Variants in HERC1 observed in about 807,000 individuals in gnomAD.
HERC1 encodes the protein probable E3 ubiquitin-protein ligase HERC1.
HERC1 carries 160 observed loss-of-function variants against 554.3 expected under a neutral mutation model. The ratio of observed to expected loss-of-function variants is 0.29; its 90% confidence interval spans 0.25 to 0.33. The LOEUF is 0.33. HERC1 is among the 10% of genes least tolerant of loss of function. The pLI, the probability that HERC1 is intolerant of heterozygous loss-of-function variation, is 1.00. For missense variants in HERC1, 4,919 were observed against 5,918.5 expected (o/e 0.83, Z 5.54); for synonymous variants, 2,175 against 2,131.7 (o/e 1.02, Z -0.56).
chr15:63,679,902 A>G (rs942714556), intron 36 of HERC1, among the ~76,000 whole-genome samples, 175 bp downstream of exon 36: 1 of 152,236 alleles, frequency 6.6e-6, no homozygotes, highest in East Asian at 1.9e-4. Flanking sequence ...TAGTGCCTTA[A>G]TATTAATATA....
In HERC1 at chr15:63,654,316, C is replaced by G. The variant is rs199840315; in HGVS notation, c.10093G>C (p.Glu3365Gln). The G allele has an allele frequency of 1.9e-5, 30 of 1,612,562 alleles. No homozygotes were observed. In the African/African-American group the frequency reaches 3.7e-4, roughly 20 times the overall value. ...KSEVEKKGPL[E>Q]LANALAACCL... ...CAGGCTGCCAGGGCATTAGCCAACTCCAGAGGGCCTACAGCAGAAGGATCA... is the reference window on the plus strand; with the variant it reads ...CAGGCTGCCAGGGCATTAGCCAACTGCAGAGGGCCTACAGCAGAAGGATCA... Residue 3365 changes from glutamate (E) to glutamine (Q), a missense_variant, in exon 51 of 78, where the codon GAG becomes CAG. By Grantham distance (29) the Glu-to-Gln change is conservative. Transcript: ENST00000443617.
chr15:63,697,061 G>A (rs1197657568), intron 26 of HERC1, among the ~76,000 whole-genome samples: 1 of 151,646 alleles, frequency 6.6e-6, no homozygotes, highest in Non-Finnish European at 1.5e-5. Flanking sequence ...CATAACCATG[G>A]TACATTTATG....
chr15:63,672,720 A>G (rs769667053), intron 38 of HERC1, 26 bp from the exon 39 acceptor site: 1 of 1,512,388 alleles, frequency 6.6e-7, no homozygotes, highest in East Asian at 2.3e-5. Flanking sequence ...AAGGTTAAGA[A>G]AGTAGTAAGG....
At chr15:63,814,445 G>C (rs1264980333) in intron 1 of HERC1, among the ~76,000 whole-genome samples, 2 of 151,726 alleles carry the variant, frequency 1.3e-5, no homozygotes, top group Non-Finnish European at 2.9e-5. Flanking sequence ...AGCTTTGTGG[G>C]TGGGGGAGGG....
chr15:63,823,457 A>G (rs1313649738), intron 1 of HERC1, among the ~76,000 whole-genome samples: 1 of 152,212 alleles, frequency 6.6e-6, no homozygotes, highest in Non-Finnish European at 1.5e-5. Context: ...AGACTAAGAG[A>G]TTAAGACTTG....
chr15:63,806,277 A>G (rs1319378847), intron 1 of HERC1, among the ~76,000 whole-genome samples: 1 of 151,852 alleles, frequency 6.6e-6, no homozygotes, highest in Non-Finnish European at 1.5e-5. Flanking sequence ...CCTAGGCTGA[A>G]GCAATCTTCC....
At chr15:63,714,346 A>G (rs1478064673) in intron 22 of HERC1, among the ~76,000 whole-genome samples, 1 of 152,090 alleles carries the variant, frequency 6.6e-6, no homozygotes, top group Non-Finnish European at 1.5e-5. Context: ...TCTTTGCTGA[A>G]ACAGAATTTA....
chr15:63,725,674 AC>A (rs552094512), intron 17 of HERC1, among the ~76,000 whole-genome samples, 161 bp from the exon 18 acceptor site: 49 of 152,344 alleles, frequency 3.2e-4, no homozygotes, highest in African/African-American at 1.2e-3. Context: ...TCTTTACCAG[AC>A]TGATTTAAAA....
At chr15:63,807,322 A>C (rs906541480) in intron 1 of HERC1, among the ~76,000 whole-genome samples, 2 of 152,100 alleles carry the variant, frequency 1.3e-5, no homozygotes, top group Admixed American at 1.3e-4. Flanking sequence ...CATAGGAGGA[A>C]ATGGGAGGAT....
intron 34 of HERC1, among the ~76,000 whole-genome samples, chr15:63,684,732 G>C (rs904076592): frequency 3.3e-5 from 5 of 152,152 alleles, no homozygotes; most frequent in African/African-American, 1.2e-4. Flanking sequence ...GTTGGGCCAG[G>C]CGCGGTGGCT....
intron 34 of HERC1, among the ~76,000 whole-genome samples, chr15:63,684,222 C>A (rs1342675348): frequency 6.6e-6 from 1 of 152,192 alleles, no homozygotes; most frequent in Non-Finnish European, 1.5e-5. Context: ...CAGTTTGCAA[C>A]AAGGGACTGA....
chr15:63,623,402 C>T (rs1219961495), intron 73 of HERC1, among the ~76,000 whole-genome samples: 6 of 152,178 alleles, frequency 3.9e-5, no homozygotes, highest in Admixed American at 2.0e-4. Context: ...TAAATCAGAG[C>T]ACATGGGTGC....
In HERC1 at chr15:63,814,721, G is replaced by A. The variant is rs574192977; in HGVS notation, c.-27+19106C>T. Among the ~76,000 whole-genome samples, 7 of 152,052 alleles carry A rather than the reference G, an allele frequency of 4.6e-5. No individual in the cohort carries two copies. The East Asian group carries it at 7.7e-4, about 17-fold the overall frequency. ...TGGCCTCAAGTTATCTGCCCGCCTCGGCCTCCCAAAGTGCTGGGATTACAG... is the reference window on the plus strand; with the variant it reads ...TGGCCTCAAGTTATCTGCCCGCCTCAGCCTCCCAAAGTGCTGGGATTACAG... On this transcript the variant is annotated intron_variant, in intron 1 of 77. Coordinates refer to ENST00000443617, the MANE Select transcript of HERC1 (RefSeq NM_003922.4).
chr15:63,698,613 GAAAGGGGA>G (rs2072558642), intron 26 of HERC1, 107 bp downstream of exon 26: 1 of 1,025,192 alleles, frequency 9.8e-7, no homozygotes, highest in Non-Finnish European at 1.4e-6. Flanking sequence ...TCAGGTACAG[GAAAGGGGA>G]AGGCAAGGAA....
At chr15:63,759,206 T>G (rs1445857443) in intron 3 of HERC1, among the ~76,000 whole-genome samples, 1 of 152,166 alleles carries the variant, frequency 6.6e-6, no homozygotes, top group African/African-American at 2.4e-5. Context: ...TATACCAAAC[T>G]GCATTCCAAA....
Position 63,612,421 on chromosome 15 carries a change from A to G in HERC1, c.14230T>C (p.Tyr4744His). 6.2e-7 allele frequency: 1 copy of G among 1,613,976 alleles called. No homozygotes were observed. Among genetic ancestry groups the G allele is most frequent in the Non-Finnish European group, 8.5e-7 (1 of 1,179,862 alleles). The change falls in exon 77 of 78, where the codon TAC becomes CAC. Residue 4744 changes from tyrosine to histidine, a missense_variant. Tyr to His is a moderately conservative substitution (Grantham distance 83). This residue lies in a region of HERC1 where 284 missense variants were observed against 294.1 expected (regional missense o/e 0.97). Transcript: ENST00000443617. This position sits in a 1 kb window ranked among gnomAD's most constrained non-coding sequence, Gnocchi z 5.0. ...TGATGCTGCTCATCCACCTCACGGT[A>G]CCGCACCACTTTCTTCAAGACTTCC... ...SVEVLKKVVR[Y>H]REVDEQHQLV...
intron 30 of HERC1, 52 bp downstream of exon 30, chr15:63,693,912 G>A (rs2072263008): frequency 6.6e-7 from 1 of 1,508,562 alleles, no homozygotes; most frequent in African/African-American, 1.4e-5. Context: ...TGCACACAAT[G>A]GGGTTTTAAT....
Position 63,756,874 on chromosome 15 carries a change from G to C in HERC1, c.1222-126C>G. 1.6e-6 allele frequency: 1 copy of C among 614,400 alleles called. No homozygotes were observed. Among genetic ancestry groups the C allele is most frequent in the East Asian group, 2.8e-5 (1 of 35,826 alleles). 38.1% of individuals were successfully genotyped at this position (614,400 alleles called of 1,614,324 possible). On this transcript the variant is annotated intron_variant, in intron 4 of 77. Transcript: ENST00000443617. This position sits in a 1 kb window ranked among gnomAD's most constrained non-coding sequence, Gnocchi z 5.0. ...AGGATACGGCATGATTCTCCAGAGA[G>C]ATTAAGGAATATACAGAAATCTAAG... is the stretch of plus-strand genomic sequence containing the variant.
chr15:63,788,053 G>T (rs1300766099), intron 1 of HERC1, among the ~76,000 whole-genome samples: 1 of 151,856 alleles, frequency 6.6e-6, no homozygotes, highest in Non-Finnish European at 1.5e-5. Flanking sequence ...AAGTTCAAGT[G>T]CATTTAAAGA....
Sources: allele counts gnomAD v4.1 joint callset (sites outside exome capture counted in the v4.1 genomes callset), GRCh38; gene constraint gnomAD v4.1.1; regional missense constraint gnomAD v4.1.1; non-coding constraint Gnocchi (gnomAD v3.1); transcripts MANE v1.5; gene names NCBI Gene and HGNC (gene_info 2026-07-23, HGNC 2026-07-21).